The following HS6ST3 variants were observed in gnomAD, a reference collection of about 807,000 sequenced individuals.
HS6ST3 encodes heparan sulfate 6-O-sulfotransferase 3.
HS6ST3 carries 12 observed loss-of-function variants against 36.7 expected under a neutral mutation model. The ratio of observed to expected loss-of-function variants is 0.33; its 90% CI spans 0.21 to 0.53. HS6ST3 has a LOEUF of 0.53. Ranked by LOEUF, HS6ST3 falls within the 20% of genes least tolerant of loss-of-function variation. HS6ST3 has a pLI of 0.95. For synonymous variants in HS6ST3, 240 were observed against 257.5 expected (o/e 0.93, Z 0.65); for missense variants, 584 against 640.9 (o/e 0.91, Z 0.96).
chr13:96,298,734 G>A (rs2054867307), intron 1 of HS6ST3, among the ~76,000 whole-genome samples: 1 of 152,128 alleles, frequency 6.6e-6, no homozygotes, highest in South Asian at 2.1e-4. Context: ...TGAGGTTATC[G>A]TGTTTGACCT....
chr13:96,798,560 C>A (rs1332859094), intron 1 of HS6ST3, among the ~76,000 whole-genome samples: 1 of 152,028 alleles, frequency 6.6e-6, no homozygotes, highest in African/African-American at 2.4e-5. Flanking sequence ...TCACAGGGAT[C>A]CTATAGTTAC....
chr13:96,485,939 G>A (rs938604861), intron 1 of HS6ST3, among the ~76,000 whole-genome samples: 54 of 151,986 alleles, frequency 3.6e-4, no homozygotes, highest in Admixed American at 3.1e-3. Context: ...ATGTATACAT[G>A]TGCCATGTTG....
At chr13:96,270,375 G>A (rs748458) in intron 1 of HS6ST3, among the ~76,000 whole-genome samples, 4,145 of 151,978 alleles carry the variant, frequency 0.027, 269 homozygotes, top group African/African-American at 0.096. Flanking sequence ...CAGGCTAATA[G>A]ACCTATTATT....
chr13:96,303,111 G>C (rs567087325), intron 1 of HS6ST3, among the ~76,000 whole-genome samples: 1 of 152,234 alleles, frequency 6.6e-6, no homozygotes, highest in African/African-American at 2.4e-5. Flanking sequence ...TTATTCTAGA[G>C]TATTGAATTG....
chr13:96,485,325 A>C (rs1173266103), intron 1 of HS6ST3, among the ~76,000 whole-genome samples: 1 of 151,500 alleles, frequency 6.6e-6, no homozygotes, highest in Non-Finnish European at 1.5e-5. Flanking sequence ...GTTATACCAA[A>C]ATATTTTTTT....
At chr13:96,300,506 T>C (rs1371410822) in intron 1 of HS6ST3, among the ~76,000 whole-genome samples, 3 of 152,094 alleles carry the variant, frequency 2.0e-5, no homozygotes, top group Non-Finnish European at 4.4e-5. Context: ...CTTTGGGCGG[T>C]GATACAGAGC....
chr13:96,500,595 A>T (rs2055999507), intron 1 of HS6ST3, among the ~76,000 whole-genome samples: 1 of 152,064 alleles, frequency 6.6e-6, no homozygotes, highest in Admixed American at 6.6e-5. Context: ...ACTGCTTTTG[A>T]CCTACTAGAA....
chr13:96,811,047 A>G (rs1204592190), intron 1 of HS6ST3, among the ~76,000 whole-genome samples: 1 of 151,770 alleles, frequency 6.6e-6, no homozygotes, highest in African/African-American at 2.4e-5. Context: ...AGGACAAGTG[A>G]TAAGGAAACA....
intron 1 of HS6ST3, among the ~76,000 whole-genome samples, chr13:96,096,527 A>G (rs1047188478): frequency 6.6e-6 from 1 of 152,170 alleles, no homozygotes; most frequent in Non-Finnish European, 1.5e-5. Flanking sequence ...AGAAAAGAAA[A>G]AAAGGATTAT....
chr13:96,119,435 T>C (rs1715101022), intron 1 of HS6ST3, among the ~76,000 whole-genome samples: 1 of 152,178 alleles, frequency 6.6e-6, no homozygotes, highest in African/African-American at 2.4e-5. Flanking sequence ...ATTTACTTTG[T>C]AAATTATGAA....
intron 1 of HS6ST3, among the ~76,000 whole-genome samples, chr13:96,734,749 T>C (rs778391891): frequency 6.6e-6 from 1 of 152,222 alleles, no homozygotes; most frequent in Non-Finnish European, 1.5e-5. Context: ...AAATGAGCAA[T>C]GCCTGAAGCA....
At chr13:96,669,042 T>C (rs2056674653) in intron 1 of HS6ST3, among the ~76,000 whole-genome samples, 1 of 152,178 alleles carries the variant, frequency 6.6e-6, no homozygotes, top group Admixed American at 6.6e-5. Context: ...TTAATTTAAA[T>C]GCTTCAGGAA....
intron 1 of HS6ST3, among the ~76,000 whole-genome samples, chr13:96,391,212 C>T (rs1036676577): frequency 1.1e-4 from 17 of 152,186 alleles, no homozygotes; most frequent in African/African-American, 3.9e-4. Context: ...ACATTTTGCT[C>T]TCAGTACATG....
At chr13:96,777,580 A>G (rs1311763932) in intron 1 of HS6ST3, among the ~76,000 whole-genome samples, 2 of 152,174 alleles carry the variant, frequency 1.3e-5, no homozygotes, top group African/African-American at 4.8e-5. Flanking sequence ...CACAATTGCT[A>G]CAAAGCGAAT....
chr13:96,792,543 TTAACCTAAAGGCCAGGAC>T (rs1877816764), intron 1 of HS6ST3, among the ~76,000 whole-genome samples: 5 of 151,924 alleles, frequency 3.3e-5, no homozygotes, highest in Non-Finnish European at 7.4e-5. Context: ...GCTTCAGGCA[TTAACCTAAAGGCCAGGAC>T]ATTGCCTTTA....
chr13:96,646,109 A>AT (rs2056587716), intron 1 of HS6ST3, among the ~76,000 whole-genome samples: 2 of 152,036 alleles, frequency 1.3e-5, no homozygotes, highest in Admixed American at 1.3e-4. Flanking sequence ...AAAAGCCTCC[A>AT]TTTAGAGGGC....
intron 1 of HS6ST3, among the ~76,000 whole-genome samples, chr13:96,542,309 C>T (rs1242287040): frequency 6.6e-6 from 1 of 152,156 alleles, no homozygotes; most frequent in Non-Finnish European, 1.5e-5. Context: ...TATGGACATG[C>T]TCCTGGTGGG....
At chr13:96,551,022 A>G (rs371001239) in intron 1 of HS6ST3, among the ~76,000 whole-genome samples, 1 of 152,152 alleles carries the variant, frequency 6.6e-6, no homozygotes. Context: ...TTAACCTTTA[A>G]CTCTGTCCCA....
At chr13:96,416,459 A>C (rs2055533439) in intron 1 of HS6ST3, among the ~76,000 whole-genome samples, 1 of 152,206 alleles carries the variant, frequency 6.6e-6, no homozygotes, top group Admixed American at 6.5e-5. Context: ...ACAACAACAA[A>C]AACAACCTAT....
Sources: allele counts gnomAD v4.1 joint callset (sites outside exome capture counted in the v4.1 genomes callset), GRCh38; gene constraint gnomAD v4.1.1; transcripts MANE v1.5; gene names NCBI Gene and HGNC (gene_info 2026-07-23, HGNC 2026-07-21).